PLSCR2: variants seen among roughly 807,000 people sequenced by gnomAD.
PLSCR2 encodes the protein PL scramblase 2.
Under a neutral mutation model 25.3 loss-of-function variants are expected in PLSCR2, and 18 were observed. The observed-to-expected ratio is 0.71, with a 90% CI of 0.49 to 1.06. The LOEUF (loss-of-function observed/expected upper bound fraction) is 1.06. PLSCR2 is among the 50% of genes least tolerant of loss of function. The probability of loss-of-function intolerance (pLI) is 0.00; values close to 1 mark genes in which losing one functional copy is unlikely to be tolerated. For missense variants in PLSCR2, 243 were observed against 269.5 expected (o/e 0.90, Z 0.69); for synonymous variants, 88 against 87.3 (o/e 1.01, Z -0.04).
At chr3:146,495,616 C>G (rs139871682) in intron 1 of PLSCR2, among the ~76,000 whole-genome samples, 1 of 152,148 alleles carries the variant, frequency 6.6e-6, no homozygotes, top group Admixed American at 6.5e-5. Context: ...AGTTGGTCAT[C>G]TGTGAGGAAG....
At chr3:146,457,029 T>G (rs2041259414) in intron 3 of PLSCR2, among the ~76,000 whole-genome samples, 1 of 152,092 alleles carries the variant, frequency 6.6e-6, no homozygotes, top group Non-Finnish European at 1.5e-5. Context: ...TACAAATTAT[T>G]ACAGAACAAA....
intron 2 of PLSCR2, among the ~76,000 whole-genome samples, chr3:146,426,925 T>A (rs2039374731): frequency 6.6e-6 from 1 of 152,104 alleles, no homozygotes. Context: ...GAACAGCAGG[T>A]CCAAACTTGG....
chr3:146,490,896 T>G (rs1459768434), intron 1 of PLSCR2, among the ~76,000 whole-genome samples: 1 of 152,102 alleles, frequency 6.6e-6, no homozygotes, highest in Non-Finnish European at 1.5e-5. Flanking sequence ...ATCATGTTGT[T>G]AGCTGGTTAT....
chr3:146,423,264 TCTCTCTCTC>T (rs2039216967), intron 2 of PLSCR2, among the ~76,000 whole-genome samples: 1 of 146,056 alleles, frequency 6.8e-6, no homozygotes, highest in Non-Finnish European at 1.5e-5. Context: ...TCTCTCTCTC[TCTCTCTCTC>T]TCTCTCTCTC....
intron 1 of PLSCR2, among the ~76,000 whole-genome samples, chr3:146,484,109 G>C (rs1246497297): frequency 1.3e-5 from 2 of 151,746 alleles, no homozygotes; most frequent in Non-Finnish European, 2.9e-5. Context: ...ACCTGATGGA[G>C]CTGAAAAACA....
At chr3:146,412,067 A>G (rs2038871728) in intron 2 of PLSCR2, among the ~76,000 whole-genome samples, 1 of 151,880 alleles carries the variant, frequency 6.6e-6, no homozygotes, top group Non-Finnish European at 1.5e-5. Context: ...TAGCTAAGGG[A>G]GAGTTAATTC....
At chr3:146,492,424 T>C (rs2043584806) in intron 1 of PLSCR2, among the ~76,000 whole-genome samples, 3 of 151,682 alleles carry the variant, frequency 2.0e-5, no homozygotes, top group Non-Finnish European at 4.4e-5. Flanking sequence ...CACAAAAAAT[T>C]TAAAAAAAAA....
intron 8 of PLSCR2, among the ~76,000 whole-genome samples, chr3:146,436,381 T>A (rs2039860500): frequency 6.6e-6 from 1 of 152,200 alleles, no homozygotes; most frequent in South Asian, 2.1e-4. Context: ...GCCATTTTCA[T>A]GATACTGATT....
upstream of PLSCR2, among the ~76,000 whole-genome samples, chr3:146,462,150 C>T (rs2041616410): frequency 6.6e-6 from 1 of 151,916 alleles, no homozygotes; most frequent in South Asian, 2.1e-4. Flanking sequence ...TAAAACAATA[C>T]AGTCACATTC....
In PLSCR2 at chr3:146,448,127, T is replaced by C. The variant is rs1396965266; in HGVS notation, c.645+1079A>G. On this transcript the variant is annotated intron_variant, in intron 6 of 6. Transcript: ENST00000610787. The stretch of plus-strand genomic sequence containing the variant: ...CTCCTCAGTGCCTCTTTTTTTAATG[T>C]GATCTTTAAACTAGGTACAATGATC... 2.6e-5 allele frequency among the ~76,000 whole-genome samples: 4 copies of C among 152,288 alleles called. No individual in the cohort carries two copies. In the South Asian group the frequency reaches 8.3e-4, roughly 32 times the overall value.
rs1331006277 is a variant in PLSCR2, at chr3:146,480,760, GC to G, written c.-293+15134del. ...AGGCCAGCATCATCCTAATACCAAAGCTTGGCAGAGACACAACAAAAAAAGA... is the reference window on the plus strand; with the variant it reads ...AGGCCAGCATCATCCTAATACCAAAGTTGGCAGAGACACAACAAAAAAAGA... On this transcript the variant is annotated intron_variant, in intron 1 of 8. Coordinates refer to the PLSCR2 transcript ENST00000336685. 8.5e-5 allele frequency among the ~76,000 whole-genome samples: 13 copies of G among 152,194 alleles called. No homozygotes were observed. The South Asian group carries it at 1.0e-3, about 12-fold the overall frequency.
At chr3:146,402,278 T>C (rs972847128) in intron 2 of PLSCR2, among the ~76,000 whole-genome samples, 3 of 152,122 alleles carry the variant, frequency 2.0e-5, no homozygotes, top group African/African-American at 7.2e-5. Flanking sequence ...TGACTAAATA[T>C]GAAAAATCAT....
At chr3:146,424,388 G>A (rs1476840390) in intron 2 of PLSCR2, among the ~76,000 whole-genome samples, 3 of 151,902 alleles carry the variant, frequency 2.0e-5, no homozygotes, top group Non-Finnish European at 2.9e-5. Flanking sequence ...GTCACATTGC[G>A]GGTTTGGGCT....
At chr3:146,483,496 TATATATATATATA>T (rs2043229468) in intron 1 of PLSCR2, among the ~76,000 whole-genome samples, 11 of 112,758 alleles carry the variant, frequency 9.8e-5, no homozygotes, top group African/African-American at 3.3e-4. Context: ...TATATATATA[TATATATATATATA>T]ATGTTACTAC....
chr3:146,465,093 C>T (rs967381638), upstream of PLSCR2, among the ~76,000 whole-genome samples: 1 of 152,146 alleles, frequency 6.6e-6, no homozygotes, highest in African/African-American at 2.4e-5. Context: ...CAGTTTTAGC[C>T]TGCATAATAA....
downstream of PLSCR2, among the ~76,000 whole-genome samples, chr3:146,439,928 G>A (rs184804262): frequency 1.6e-4 from 25 of 152,288 alleles, no homozygotes; most frequent in African/African-American, 5.5e-4. Context: ...GGTCTTTGAT[G>A]ATGGTGACGT....
intron 2 of PLSCR2, among the ~76,000 whole-genome samples, chr3:146,419,866 G>A (rs557562985): frequency 6.6e-6 from 1 of 152,126 alleles, no homozygotes; most frequent in South Asian, 2.1e-4. Flanking sequence ...CATATTTGGA[G>A]CCCTTAACTT....
chr3:146,463,217 G>C (rs35082616), upstream of PLSCR2, among the ~76,000 whole-genome samples: 73,695 of 151,916 alleles, frequency 0.49, 18,836 homozygotes, highest in South Asian at 0.7. Context: ...ACGGAGTCTC[G>C]CTCTGTCGGA....
chr3:146,463,717 T>C (rs1217902848), upstream of PLSCR2: 5 of 240,498 alleles, frequency 2.1e-5, no homozygotes, highest in Non-Finnish European at 3.4e-5. Flanking sequence ...CACTCCAGTG[T>C]TGGCTTCCCT....
Sources: allele counts gnomAD v4.1 joint callset (sites outside exome capture counted in the v4.1 genomes callset), GRCh38; gene constraint gnomAD v4.1.1; transcripts MANE v1.5; gene names NCBI Gene and HGNC (gene_info 2026-07-23, HGNC 2026-07-21).